The following RTEL1 variants were observed in gnomAD, a reference collection of about 807,000 sequenced individuals.
RTEL1 encodes the protein regulator of telomere elongation helicase 1, also known as regulator of telomere length.
RTEL1 carries 86 observed loss-of-function variants against 162.2 expected under a neutral mutation model. The ratio of observed to expected loss-of-function variants is 0.53; its 90% CI spans 0.45 to 0.63. RTEL1 has a LOEUF of 0.63. RTEL1 is among the 30% of genes least tolerant of loss of function. The pLI, the probability that RTEL1 is intolerant of heterozygous loss-of-function variation, is 0.00. For missense variants in RTEL1, 1,941 were observed against 1,750.2 expected (o/e 1.11, Z -1.95); for synonymous variants, 958 against 717.9 (o/e 1.33, Z -5.35).
In RTEL1 at chr20:63,693,241, A is replaced by C. The variant is rs1190777797; in HGVS notation, c.2950A>C (p.Ile984Leu). The change falls in exon 30 of 35, where the codon ATT (isoleucine) becomes CTT (leucine). Residue 984 changes from isoleucine (I) to leucine (L), a missense_variant. Ile to Leu is a conservative substitution (Grantham distance 5). Coordinates refer to ENST00000360203, the MANE Select transcript of RTEL1 (RefSeq NM_001283009.2). The part of the protein sequence containing the change: ...RGCGYRPEHS[I>L]PRRQRAQPVL... ...CTGTGGCTATCGGCCTGAGCACAGCATTCCCCGAAGGCAGCGGGCACAGCC... is the reference window on the plus strand; with the variant it reads ...CTGTGGCTATCGGCCTGAGCACAGCCTTCCCCGAAGGCAGCGGGCACAGCC... 6.2e-7 allele frequency: 1 copy of C among 1,612,018 alleles called. No homozygotes were observed. The highest frequency in any genetic ancestry group is 1.7e-5 in the Admixed American group (1 of 59,968).
Position 63,694,502 on chromosome 20 carries a change from G to A in RTEL1, c.3109+14G>A. On this transcript the variant is annotated intron_variant, in intron 31 of 34. Coordinates refer to ENST00000360203, the MANE Select transcript of RTEL1 (RefSeq NM_001283009.2). The stretch of plus-strand genomic sequence containing the variant: ...CACCCCCAACAGGTAGCTGACTCCT[G>A]AACCGTGTGCAGCCTACGACTTGGT... 2 of 1,574,346 alleles carry A rather than the reference G, an allele frequency of 1.3e-6. No individual in the cohort carries two copies. Among genetic ancestry groups the A allele is most frequent in the Non-Finnish European group, 1.7e-6 (2 of 1,148,654 alleles).
intron 14 of RTEL1, 122 bp downstream of exon 14, chr20:63,680,841 T>G: frequency 7.9e-6 from 12 of 1,527,022 alleles, no homozygotes; most frequent in Non-Finnish European, 9.8e-6. Context: ...ACACCACCTG[T>G]TTCTGATTGG....
In RTEL1 at chr20:63,674,070, TC is replaced by T. The variant is rs1555901832; in HGVS notation, c.897del (p.Phe299LeufsTer10). 4 of 1,613,058 alleles carry T rather than the reference TC, an allele frequency of 2.5e-6. No homozygotes were observed. The highest frequency in any genetic ancestry group is 3.4e-6 in the Non-Finnish European group (4 of 1,179,740). On this transcript the variant is annotated frameshift_variant, in exon 10 of 35. Coordinates refer to ENST00000360203, the MANE Select transcript of RTEL1 (RefSeq NM_001283009.2). LOFTEE classifies it high-confidence loss of function. Reference sequence around the variant, plus strand: ...CAGCAGGGTGAGCCCCACCCGGAGTTCAGCGCGGACTCCCCCAGCCCAGGTG... The same window carrying T: ...CAGCAGGGTGAGCCCCACCCGGAGTTAGCGCGGACTCCCCCAGCCCAGGTG... ...AAQQGEPHPE[F>X]SADSPSPGLN...
intron 4 of RTEL1, 45 bp from the exon 5 acceptor site, chr20:63,662,501 G>A (rs2146153502): frequency 1.2e-6 from 2 of 1,609,994 alleles, no homozygotes; most frequent in East Asian, 2.2e-5. Context: ...CGCTGTGGGT[G>A]TTGGAGACAG....
rs754384977 is a variant in RTEL1 at position 63,659,399 on chromosome 20, T to C, written c.-4T>C. The C allele has an allele frequency of 6.2e-7, 1 of 1,611,820 alleles. No homozygotes were observed. The highest frequency in any genetic ancestry group is 1.1e-5 in the South Asian group (1 of 91,026). ...GCTCTGTGCCCTTCTGAGAACAGGC[T>C]GATATGCCCAAGATAGTCCTGAATG... On this transcript the variant is annotated 5_prime_UTR_variant, in exon 2 of 35. Coordinates refer to ENST00000360203, the MANE Select transcript of RTEL1 (RefSeq NM_001283009.2).
At chr20:63,692,777 G>A in intron 28 of RTEL1, 28 bp from the exon 29 acceptor site, 1 of 1,597,754 alleles carries the variant, frequency 6.3e-7, no homozygotes, top group East Asian at 2.2e-5. Context: ...GGCTGGCCCT[G>A]ATGGAGCCTC....
intron 22 of RTEL1, 66 bp downstream of exon 22, chr20:63,689,198 C>T: frequency 6.7e-7 from 1 of 1,484,922 alleles, no homozygotes. Flanking sequence ...TTATGGCTCC[C>T]CAGCAGACTC....
At chr20:63,690,686 G>A (rs899020046) in intron 26 of RTEL1, 119 bp from the exon 27 acceptor site, 6 of 1,186,754 alleles carry the variant, frequency 5.1e-6, no homozygotes, top group African/African-American at 4.6e-5. Flanking sequence ...TAGCAGGGAG[G>A]ACACCCACAG....
chr20:63,693,174 G>A lies in RTEL1; in HGVS notation c.2883G>A (p.Lys961=), dbSNP rs1333357013. Residue 961 remains lysine, a synonymous_variant, in exon 30 of 35, where the codon AAG becomes AAA. Coordinates refer to ENST00000360203, the MANE Select transcript of RTEL1 (RefSeq NM_001283009.2). The part of the protein sequence containing the change: ...GFYQFVRPHH[K]QQFEEVCIQL... ...ACCAGTTTGTGCGGCCCCACCATAA[G>A]CAGCAGTTTGAGGAGGTCTGTATCC... 4.3e-6 allele frequency: 7 copies of A among 1,612,168 alleles called. No individual in the cohort carries two copies. The South Asian group carries it at 5.5e-5, about 13-fold the overall frequency.
chr20:63,690,857 G>A lies in RTEL1; in HGVS notation c.2466G>A (p.Gln822=), dbSNP rs1187708777. 3.7e-6 allele frequency: 6 copies of A among 1,604,464 alleles called. No individual in the cohort carries two copies. The highest frequency in any genetic ancestry group is 5.1e-6 in the Non-Finnish European group (6 of 1,177,046). ...PESSLCVEYE[Q]EPVPARQRPR... ...GTAGCCTGTGTGTGGAGTATGAGCA[G>A]GAGCCAGTTCCTGCCCGGCAGAGGC... The change falls in exon 27 of 35, where the codon CAG becomes CAA. Residue 822 remains glutamine, a synonymous_variant. Coordinates refer to ENST00000360203, the MANE Select transcript of RTEL1 (RefSeq NM_001283009.2).
chr20:63,694,925 G>T lies in RTEL1; in HGVS notation c.3294G>T (p.Val1098=). ...ACGACCTCGACAAGGTGCTGGCTGTGTTGGCCGCCCTGACCACTGCAAAGC... is the reference window on the plus strand; with the variant it reads ...ACGACCTCGACAAGGTGCTGGCTGTTTTGGCCGCCCTGACCACTGCAAAGC... The part of the protein sequence containing the change: ...QDDDLDKVLA[V]LAALTTAKPE... The change falls in exon 32 of 35, where the codon GTG becomes GTT. Residue 1098 remains valine, a synonymous_variant. Transcript: ENST00000360203. 1 of 1,612,634 alleles carries T rather than the reference G, an allele frequency of 6.2e-7. No individual in the cohort carries two copies. The highest frequency in any genetic ancestry group is 8.5e-7 in the Non-Finnish European group (1 of 1,179,870).
chr20:63,683,575 G>A (rs1400339351), intron 14 of RTEL1, among the ~76,000 whole-genome samples: 2 of 152,168 alleles, frequency 1.3e-5, no homozygotes, highest in African/African-American at 4.8e-5. Context: ...TTCCAGCCGT[G>A]GTGTCTGCCC....
At chr20:63,678,213 G>C (rs2090396416) in intron 11 of RTEL1, 30 bp downstream of exon 11, 1 of 1,613,586 alleles carries the variant, frequency 6.2e-7, no homozygotes, top group African/African-American at 1.3e-5. Flanking sequence ...CCTCCTTGCA[G>C]CTGGGTGGGG....
At chr20:63,694,674 G>A in intron 31 of RTEL1, 67 bp from the exon 32 acceptor site, 2 of 1,398,550 alleles carry the variant, frequency 1.4e-6, no homozygotes, top group South Asian at 1.3e-5. Flanking sequence ...AGGAAGGGCG[G>A]GCAGGGCGGT....
chr20:63,679,762 G>A, intron 12 of RTEL1, 87 bp from the exon 13 acceptor site: 2 of 1,005,590 alleles, frequency 2.0e-6, no homozygotes, highest in Non-Finnish European at 1.6e-6. Flanking sequence ...CCCCCCTCAG[G>A]CCCGAGCCTG....
intron 30 of RTEL1, among the ~76,000 whole-genome samples, 167 bp downstream of exon 30, chr20:63,693,450 A>ACCACCTCCACCACCTCCACCACCT (rs2090828169): frequency 1.2e-5 from 1 of 81,436 alleles, no homozygotes; most frequent in African/African-American, 6.2e-5. Flanking sequence ...CACCAGCAGC[A>ACCACCTCCACCACCTCCACCACCT]CCACCTCCAC....
chr20:63,693,456 TCCACCTCCA>T (rs2090831426), intron 30 of RTEL1, among the ~76,000 whole-genome samples, 173 bp downstream of exon 30: 2 of 21,042 alleles, frequency 9.5e-5, no homozygotes, highest in Non-Finnish European at 1.7e-4. Context: ...CAGCACCACC[TCCACCTCCA>T]CCTCCACCTC....
Position 63,695,187 on chromosome 20 carries a change from G to T in RTEL1, c.3465G>T (p.Val1155=). The change falls in exon 33 of 35, where the codon GTG becomes GTT. Residue 1155 remains valine (V), a synonymous_variant. Transcript: ENST00000360203. ...GACCCCAGGAGGAGAGGCTTGCCGT[G>T]CCTCCTGTGCTTACCCACAGGGCTC... ...PPGPQEERLA[V]PPVLTHRAPQ... 6.2e-7 allele frequency: 1 copy of T among 1,612,178 alleles called. No homozygotes were observed. Among genetic ancestry groups the T allele is most frequent in the Non-Finnish European group, 8.5e-7 (1 of 1,179,816 alleles).
chr20:63,675,122 C>G (rs2090322781), intron 10 of RTEL1, among the ~76,000 whole-genome samples: 2 of 152,106 alleles, frequency 1.3e-5, no homozygotes, highest in South Asian at 4.1e-4. Flanking sequence ...CCAGGCTGGT[C>G]TCGAACTCCT....
Sources: gnomAD v4.1 joint callset for allele counts (sites outside exome capture counted in the v4.1 genomes callset) on GRCh38, gnomAD v4.1.1 for gene constraint, MANE v1.5 for transcripts, NCBI Gene and HGNC (gene_info 2026-07-23, HGNC 2026-07-21) for gene names.